Variants in PLCG2 observed in about 807,000 individuals in gnomAD.
The protein encoded by PLCG2 is phospholipase C gamma 2.
A neutral mutation model predicts 175.6 loss-of-function variants in PLCG2; 69 were observed. That is an observed-to-expected ratio of 0.39 (90% confidence interval 0.32 to 0.48). The LOEUF is 0.48. Ranked by LOEUF, PLCG2 falls within the 20% of genes least tolerant of loss-of-function variation. PLCG2 has a pLI of 0.91. For missense variants in PLCG2, 1,798 were observed against 1,650.9 expected (o/e 1.09, Z -1.54); for synonymous variants, 827 against 624.0 (o/e 1.33, Z -4.85).
intron 25 of PLCG2, among the ~76,000 whole-genome samples, chr16:81,932,943 T>C (rs1910564558): frequency 6.6e-6 from 1 of 152,236 alleles, no homozygotes; most frequent in African/African-American, 2.4e-5. Context: ...ACAGTACAGC[T>C]CTGAGGCACA....
At chr16:81,842,460 G>A (rs895041314) in intron 2 of PLCG2, among the ~76,000 whole-genome samples, 1 of 152,208 alleles carries the variant, frequency 6.6e-6, no homozygotes. Context: ...TCAGCGTGGG[G>A]TTCTGTGACT....
intron 2 of PLCG2, among the ~76,000 whole-genome samples, chr16:81,821,356 A>G (rs568106252): frequency 6.6e-6 from 1 of 152,358 alleles, no homozygotes; most frequent in African/African-American, 2.4e-5. Flanking sequence ...AGTGGTGAAT[A>G]CTGGAGGTAT....
intron 2 of PLCG2, among the ~76,000 whole-genome samples, chr16:81,789,850 C>CT (rs900318816): frequency 2.0e-5 from 3 of 149,476 alleles, no homozygotes; most frequent in Admixed American, 1.3e-4. Flanking sequence ...CTTTGCCCCC[C>CT]CTCCATTGCC....
intron 2 of PLCG2, among the ~76,000 whole-genome samples, 188 bp from the exon 3 acceptor site, chr16:81,854,256 C>T (rs1047666012): frequency 1.3e-5 from 2 of 152,154 alleles, no homozygotes; most frequent in Non-Finnish European, 2.9e-5. Flanking sequence ...AGCAAATGCC[C>T]GGGTAGGGTC....
chr16:81,827,331 A>G (rs1234575945), intron 2 of PLCG2, among the ~76,000 whole-genome samples: 1 of 151,658 alleles, frequency 6.6e-6, no homozygotes, highest in African/African-American at 2.4e-5. Flanking sequence ...CCACAGGTGT[A>G]TGCTCCCATG....
rs1018566662 is a variant in PLCG2 at position 81,900,034 on chromosome 16, A to C, written c.1194-578A>C. On this transcript the variant is annotated intron_variant, in intron 13 of 32. Transcript: ENST00000564138. Reference sequence around the variant, plus strand: ...GAAAAATCAACTACAGATACACACAAATGATCTATAAATACACAGACACCT... The same window carrying C: ...GAAAAATCAACTACAGATACACACACATGATCTATAAATACACAGACACCT... Among the ~76,000 whole-genome samples, 3 of 152,228 alleles carry C rather than the reference A, an allele frequency of 2.0e-5. No homozygotes were observed. In the East Asian group the frequency reaches 5.8e-4, roughly 29 times the overall value.
chr16:81,769,766 G>A (rs1487434904), intron 2 of PLCG2, among the ~76,000 whole-genome samples: 2 of 144,818 alleles, frequency 1.4e-5, no homozygotes, highest in African/African-American at 5.1e-5. Context: ...CTTGCAGTGA[G>A]CCGAGATCCC....
At chr16:81,774,235 A>T (rs922659977) in intron 2 of PLCG2, among the ~76,000 whole-genome samples, 2 of 145,394 alleles carry the variant, frequency 1.4e-5, no homozygotes, top group Non-Finnish European at 3.0e-5. Flanking sequence ...CTGTAGTCCC[A>T]ACTACTCAGG....
rs200086447 is a variant in PLCG2, at chr16:81,883,260, C to T, written c.693-9C>T. On this transcript the variant is annotated splice_polypyrimidine_tract_variant and intron_variant, in intron 8 of 32. Coordinates refer to ENST00000564138, the MANE Select transcript of PLCG2 (RefSeq NM_002661.5). The stretch of plus-strand genomic sequence containing the variant: ...TGTCTCTAACTGCACCCCCTTTCCC[C>T]GAGGATAGGAACACTGACAGGCCGG... The T allele has an allele frequency of 2.2e-5, 36 of 1,613,632 alleles. No homozygotes were observed. In the Middle Eastern group the frequency reaches 9.9e-4, roughly 44 times the overall value.
chr16:81,938,521 T>A, intron 28 of PLCG2: 1 of 450,146 alleles, frequency 2.2e-6, no homozygotes, highest in Non-Finnish European at 4.0e-6. Context: ...GGCACCTGCT[T>A]GGGCATGGAT....
chr16:81,949,448 A>T (rs142108360), intron 31 of PLCG2, among the ~76,000 whole-genome samples: 1 of 152,222 alleles, frequency 6.6e-6, no homozygotes, highest in African/African-American at 2.4e-5. Context: ...TTTGGTGCTG[A>T]AAACTAAAAG....
chr16:81,885,654 C>T (rs1908325336), intron 9 of PLCG2, among the ~76,000 whole-genome samples: 3 of 152,040 alleles, frequency 2.0e-5, no homozygotes, highest in Non-Finnish European at 4.4e-5. Flanking sequence ...CCATAACACT[C>T]CTCTTACAGC....
At chr16:81,868,025 C>T (rs1345381692) in intron 5 of PLCG2, among the ~76,000 whole-genome samples, 2 of 152,210 alleles carry the variant, frequency 1.3e-5, no homozygotes, top group Non-Finnish European at 2.9e-5. Flanking sequence ...TCAGCTGAAC[C>T]TCACTATGTG....
At chr16:81,852,650 TCTTA>T (rs1906477151) in intron 2 of PLCG2, among the ~76,000 whole-genome samples, 1 of 152,166 alleles carries the variant, frequency 6.6e-6, no homozygotes, top group African/African-American at 2.4e-5. Context: ...CGGAAGGATT[TCTTA>T]CTTGTTTCTG....
intron 14 of PLCG2, among the ~76,000 whole-genome samples, chr16:81,904,337 G>T (rs1415150593): frequency 1.3e-5 from 2 of 152,226 alleles, no homozygotes; most frequent in African/African-American, 4.8e-5. Context: ...AATAGGCCCT[G>T]AATTCAAATC....
intron 5 of PLCG2, among the ~76,000 whole-genome samples, chr16:81,864,268 A>T (rs1360913894): frequency 6.6e-6 from 1 of 152,204 alleles, no homozygotes; most frequent in Non-Finnish European, 1.5e-5. Context: ...AGCTACTTAG[A>T]GAAGCAGAAC....
intron 31 of PLCG2, among the ~76,000 whole-genome samples, chr16:81,953,507 C>G (rs1567548546): frequency 6.6e-6 from 1 of 152,030 alleles, no homozygotes; most frequent in Non-Finnish European, 1.5e-5. Flanking sequence ...CCCCAACAAA[C>G]AGGAGAAAAA....
intron 2 of PLCG2, among the ~76,000 whole-genome samples, chr16:81,847,696 C>T (rs568505357): frequency 6.6e-5 from 10 of 152,268 alleles, no homozygotes; most frequent in African/African-American, 2.4e-4. Context: ...TCTTACTGAA[C>T]ATGGACAAAC....
chr16:81,917,227 C>CT (rs57305207), intron 19 of PLCG2, among the ~76,000 whole-genome samples: 4 of 141,864 alleles, frequency 2.8e-5, no homozygotes, highest in African/African-American at 1.0e-4. Context: ...ACAGGCTTTC[C>CT]TTTTTTTTTT....
Sources: allele counts gnomAD v4.1 joint callset (sites outside exome capture counted in the v4.1 genomes callset), GRCh38; gene constraint gnomAD v4.1.1; transcripts MANE v1.5; gene names NCBI Gene and HGNC (gene_info 2026-07-23, HGNC 2026-07-21).